Variants in NTM observed in about 807,000 individuals in gnomAD.
NTM encodes the protein IgLON family member 2.
In NTM, 13 loss-of-function variants were observed where a neutral mutation model predicts 42.1. The observed-to-expected ratio is 0.31, with a 90% CI of 0.20 to 0.49. NTM has a LOEUF of 0.49. Ranked by LOEUF, NTM falls within the 20% of genes least tolerant of loss-of-function variation. The pLI is 0.99. For synonymous variants in NTM, 187 were observed against 179.2 expected (o/e 1.04, Z -0.35); for missense variants, 373 against 452.8 (o/e 0.82, Z 1.60).
intron 1 of NTM, among the ~76,000 whole-genome samples, chr11:131,747,124 A>G (rs1434711391): frequency 6.6e-6 from 1 of 152,214 alleles, no homozygotes; most frequent in Non-Finnish European, 1.5e-5. Context: ...TTTATTTTTT[A>G]TACTAATATG....
At chr11:131,691,941 C>T (rs1408300264) in intron 1 of NTM, among the ~76,000 whole-genome samples, 1 of 152,070 alleles carries the variant, frequency 6.6e-6, no homozygotes, top group Non-Finnish European at 1.5e-5. Context: ...GGCATCTGAT[C>T]GAGAAAAAAG....
chr11:131,812,803 C>A (rs1404941638), intron 1 of NTM, among the ~76,000 whole-genome samples: 2 of 152,096 alleles, frequency 1.3e-5, no homozygotes, highest in African/African-American at 4.8e-5. Context: ...AAGGAAAGAA[C>A]GGTGCCCATG....
chr11:131,936,343 G>T (rs187223446), intron 2 of NTM, among the ~76,000 whole-genome samples: 276 of 152,156 alleles, frequency 1.8e-3, no homozygotes, highest in African/African-American at 6.4e-3. Flanking sequence ...TCTTTTGTCC[G>T]TCCTAAATTT....
chr11:132,227,526 TC>T (rs575243344), intron 4 of NTM, among the ~76,000 whole-genome samples: 49 of 152,060 alleles, frequency 3.2e-4, no homozygotes, highest in Non-Finnish European at 6.0e-4. Context: ...CAGCCTAATA[TC>T]CCTTGGTCCT....
At chr11:131,462,950 T>G (rs936912675) in intron 1 of NTM, among the ~76,000 whole-genome samples, 1 of 144,792 alleles carries the variant, frequency 6.9e-6, no homozygotes, top group African/African-American at 2.6e-5. Flanking sequence ...TATCTACTCA[T>G]GAAAAAAAAA....
At chr11:131,482,522 T>A (rs1953716422) in intron 1 of NTM, among the ~76,000 whole-genome samples, 1 of 152,364 alleles carries the variant, frequency 6.6e-6, no homozygotes, top group South Asian at 2.1e-4. Flanking sequence ...TGGAATAGAA[T>A]CTTTAACCAC....
intron 1 of NTM, chr11:131,774,254 T>A (rs934114334): frequency 1.7e-5 from 4 of 241,800 alleles, no homozygotes; most frequent in African/African-American, 9.3e-5. Context: ...CAATTTCTTC[T>A]TCTTAGTAGC....
chr11:131,813,616 G>A (rs565385675), intron 1 of NTM, among the ~76,000 whole-genome samples: 2 of 152,308 alleles, frequency 1.3e-5, no homozygotes, highest in East Asian at 3.9e-4. Flanking sequence ...GGCTTAAAGA[G>A]TTTGGATGCA....
At chr11:132,114,846 G>A (rs902764895) in intron 2 of NTM, among the ~76,000 whole-genome samples, 2 of 152,190 alleles carry the variant, frequency 1.3e-5, no homozygotes, top group Admixed American at 6.5e-5. Flanking sequence ...CCAGTCATCT[G>A]TTGTTGGACA....
intron 1 of NTM, among the ~76,000 whole-genome samples, chr11:131,421,830 C>T (rs760587355): frequency 2.0e-5 from 3 of 152,218 alleles, no homozygotes; most frequent in Non-Finnish European, 4.4e-5. Context: ...TATGAATACA[C>T]ATGAGGATTT....
intron 4 of NTM, among the ~76,000 whole-genome samples, chr11:132,264,505 T>C (rs2093058078): frequency 6.6e-6 from 1 of 152,238 alleles, no homozygotes; most frequent in African/African-American, 2.4e-5. Flanking sequence ...CAGTTTTAGA[T>C]TTGCATGTAA....
At chr11:131,751,458 C>T (rs1270954098) in intron 1 of NTM, among the ~76,000 whole-genome samples, 3 of 151,894 alleles carry the variant, frequency 2.0e-5, no homozygotes, top group African/African-American at 4.8e-5. Context: ...GGCGCGGTGG[C>T]GGGCACCTGT....
chr11:131,584,426 A>T (rs2058680448), intron 1 of NTM, among the ~76,000 whole-genome samples: 1 of 152,184 alleles, frequency 6.6e-6, no homozygotes, highest in African/African-American at 2.4e-5. Flanking sequence ...GGCGGAGGCC[A>T]TGAGAGGGGA....
chr11:132,064,658 A>C lies in NTM; in HGVS notation c.168-81624A>C, dbSNP rs955709692. 1.4e-4 allele frequency among the ~76,000 whole-genome samples: 21 copies of C among 152,196 alleles called. No individual in the cohort carries two copies. In the South Asian group the frequency reaches 1.7e-3, roughly 12 times the overall value. On this transcript the variant is annotated intron_variant, in intron 2 of 8. Coordinates refer to ENST00000683400, the MANE Select transcript of NTM (RefSeq NM_001352005.2). Reference sequence around the variant, plus strand: ...ACTAAAGCCCTGGATCACACAGTGCAGGAAACAAACCTGAAAATAGCCAGA... The same window carrying C: ...ACTAAAGCCCTGGATCACACAGTGCCGGAAACAAACCTGAAAATAGCCAGA...
chr11:131,396,904 G>A (rs900391815), intron 1 of NTM, among the ~76,000 whole-genome samples: 4 of 152,120 alleles, frequency 2.6e-5, no homozygotes, highest in Admixed American at 1.3e-4. Flanking sequence ...ACTCTGGGAA[G>A]CTCACGTCAC....
chr11:131,675,118 T>TA (rs2071146514), intron 1 of NTM, among the ~76,000 whole-genome samples: 1 of 152,240 alleles, frequency 6.6e-6, no homozygotes, highest in Admixed American at 6.5e-5. Flanking sequence ...GTTCCATCTT[T>TA]ACTTTGGTTC....
chr11:132,084,259 A>G (rs568531710), intron 2 of NTM, among the ~76,000 whole-genome samples: 3 of 152,314 alleles, frequency 2.0e-5, no homozygotes, highest in South Asian at 4.1e-4. Flanking sequence ...CTACAATCAA[A>G]AACATGATTG....
chr11:132,004,086 A>G (rs2070119836), intron 2 of NTM, among the ~76,000 whole-genome samples: 1 of 152,194 alleles, frequency 6.6e-6, no homozygotes, highest in Non-Finnish European at 1.5e-5. Flanking sequence ...GAATGTTTAT[A>G]CCAAAGGGAA....
At chr11:131,479,266 A>G (rs1031248948) in intron 1 of NTM, among the ~76,000 whole-genome samples, 2 of 152,238 alleles carry the variant, frequency 1.3e-5, no homozygotes, top group Admixed American at 1.3e-4. Flanking sequence ...AAAATGTGCT[A>G]ATAGAAGTCT....
Sources: allele counts gnomAD v4.1 joint callset (sites outside exome capture counted in the v4.1 genomes callset), GRCh38; gene constraint gnomAD v4.1.1; transcripts MANE v1.5; gene names NCBI Gene and HGNC (gene_info 2026-07-23, HGNC 2026-07-21).